The following KDM4B variants were observed in gnomAD, a reference collection of about 807,000 sequenced individuals.
KDM4B encodes lysine-specific demethylase 4B.
KDM4B carries 32 observed loss-of-function variants against 125.2 expected under a neutral mutation model. The ratio of observed to expected loss-of-function variants is 0.26; its 90% CI spans 0.19 to 0.34. The LOEUF is 0.34. Ranked by LOEUF, KDM4B falls within the 10% of genes least tolerant of loss-of-function variation. The pLI is 1.00. For synonymous variants in KDM4B, 721 were observed against 677.9 expected, an observed-to-expected ratio of 1.06 and a Z score of -0.99; for missense variants, 1,190 against 1,577.7, an observed-to-expected ratio of 0.75 and a Z score of 4.16.
intron 7 of KDM4B, 41 bp from the exon 8 acceptor site, chr19:5,077,326 G>A (rs2038148855): frequency 6.4e-7 from 1 of 1,571,270 alleles, no homozygotes; most frequent in East Asian, 2.2e-5. Context: ...ACCCCGGCCG[G>A]CTGTGGCCCA....
rs34796175 is a variant in KDM4B at position 5,142,320 on chromosome 19, T to C, written c.2551-1647T>C. 0.07 allele frequency among the ~76,000 whole-genome samples: 10,696 copies of C among 151,808 alleles called. 404 individuals carry two copies. The highest frequency in any genetic ancestry group is 0.099 in the Middle Eastern group (29 of 292). On this transcript the variant is annotated intron_variant, in intron 18 of 22. Coordinates refer to ENST00000159111, the MANE Select transcript of KDM4B (RefSeq NM_015015.3). The surrounding 1 kb of genome is among the most constrained non-coding windows in gnomAD (Gnocchi z 5.4). ...AAACTGCGGCTCCCAGGAAGGGAGG[T>C]GACGGCCAAGAACGCCTGCCCGACC...
chr19:5,035,877 G>GTGTGTGTGTT lies in KDM4B; in HGVS notation c.141+2850_141+2851insTGTGTTTGTG. On this transcript the variant is annotated intron_variant, in intron 3 of 22. Transcript: ENST00000159111. This position sits in a 1 kb window ranked among gnomAD's most constrained non-coding sequence, Gnocchi z 5.3. ...TGCACGTGTCTCTGTGTGTGTGTGT[G>GTGTGTGTGTT]TGTGCGCGCGCGCGCGCGCCTGCGC... Among the ~76,000 whole-genome samples the GTGTGTGTGTT allele has an allele frequency of 9.7e-6, 1 of 102,692 alleles. No homozygotes were observed. 67.4% of individuals were successfully genotyped at this position (102,692 alleles called of 152,430 possible).
chr19:5,123,614 G>C (rs1228957455), intron 11 of KDM4B, among the ~76,000 whole-genome samples: 1 of 152,244 alleles, frequency 6.6e-6, no homozygotes. Context: ...GCTTCCTGCA[G>C]GGCAGGAGCA....
intron 18 of KDM4B, 66 bp downstream of exon 18, chr19:5,138,136 C>A: frequency 8.0e-7 from 1 of 1,242,740 alleles, no homozygotes; most frequent in Admixed American, 1.9e-5. Flanking sequence ...GCTCGGCTCC[C>A]CACCTGCGCG....
intron 9 of KDM4B, among the ~76,000 whole-genome samples, chr19:5,109,469 T>C (rs2039097021): frequency 6.6e-6 from 1 of 151,570 alleles, no homozygotes; most frequent in Non-Finnish European, 1.5e-5. Flanking sequence ...AACAGTGACC[T>C]GGGAAGGGCT....
At chr19:5,088,655 GCC>G (rs139891662) in intron 9 of KDM4B, among the ~76,000 whole-genome samples, 1 of 98,038 alleles carries the variant, frequency 1.0e-5, no homozygotes, top group African/African-American at 3.6e-5. Context: ...GACAGGCCAG[GCC>G]CCCCCCCTCC....
At chr19:5,088,665 T>TCCCCCCCCCCCCCCCAC (rs35143112) in intron 9 of KDM4B, among the ~76,000 whole-genome samples, 2 of 103,780 alleles carry the variant, frequency 1.9e-5, no homozygotes, top group African/African-American at 3.6e-5. Flanking sequence ...GCCCCCCCCC[T>TCCCCCCCCCCCCCCCAC]CCCCCCCCCC....
chr19:5,093,939 C>T (rs2038765052), intron 9 of KDM4B, among the ~76,000 whole-genome samples: 1 of 152,232 alleles, frequency 6.6e-6, no homozygotes, highest in African/African-American at 2.4e-5. Context: ...GTCCACAGCC[C>T]AGGCAGCTGA....
At chr19:5,001,735 C>T (rs562370570) in intron 1 of KDM4B, among the ~76,000 whole-genome samples, 2 of 152,162 alleles carry the variant, frequency 1.3e-5, no homozygotes, top group Non-Finnish European at 2.9e-5. Flanking sequence ...GCAGGGTGTG[C>T]TGTTTCATGT....
chr19:5,119,494 A>G (rs571487248), intron 10 of KDM4B, among the ~76,000 whole-genome samples, 159 bp from the exon 11 acceptor site: 1 of 152,186 alleles, frequency 6.6e-6, no homozygotes, highest in Non-Finnish European at 1.5e-5. Context: ...AACCCCACCC[A>G]GGGTTCCCTT....
At chr19:5,090,117 A>G (rs577196617) in intron 9 of KDM4B, among the ~76,000 whole-genome samples, 3 of 152,248 alleles carry the variant, frequency 2.0e-5, no homozygotes, top group African/African-American at 7.2e-5. Context: ...ACAGAGTGGA[A>G]GGTCCTGGAA....
Position 5,118,699 on chromosome 19 carries a change from C to T in KDM4B, c.1116-954C>T, listed in dbSNP as rs114804967. Among the ~76,000 whole-genome samples the T allele has an allele frequency of 7.5e-3, 1,142 of 152,302 alleles. 14 individuals carry two copies. The highest frequency in any genetic ancestry group is 0.026 in the African/African-American group (1,096 of 41,560). Reference sequence around the variant, plus strand: ...GCCGCTCAGCTGCAGGGTCACCTGGCTGTCACTTTTCCTCCCTTTTTCAGC... The same window carrying T: ...GCCGCTCAGCTGCAGGGTCACCTGGTTGTCACTTTTCCTCCCTTTTTCAGC... On this transcript the variant is annotated intron_variant, in intron 10 of 22. Transcript: ENST00000159111.
At chr19:4,974,252 A>C (rs564161600) in intron 1 of KDM4B, among the ~76,000 whole-genome samples, 247 of 151,760 alleles carry the variant, frequency 1.6e-3, no homozygotes, top group Middle Eastern at 3.5e-3. Context: ...AAAAAAAATT[A>C]CCCGGGCATG....
intron 21 of KDM4B, among the ~76,000 whole-genome samples, chr19:5,147,603 C>T (rs576342497): frequency 6.6e-6 from 1 of 151,978 alleles, no homozygotes; most frequent in Non-Finnish European, 1.5e-5. Context: ...ATTAGCTGGG[C>T]ATGGTGGCAC....
intron 18 of KDM4B, among the ~76,000 whole-genome samples, chr19:5,138,627 G>C (rs922467341): frequency 2.0e-5 from 3 of 152,126 alleles, no homozygotes; most frequent in Non-Finnish European, 4.4e-5. Flanking sequence ...TTACACTGCA[G>C]CCTAGACAAC....
At chr19:5,026,993 C>T (rs1240477769) in intron 2 of KDM4B, among the ~76,000 whole-genome samples, 1 of 152,230 alleles carries the variant, frequency 6.6e-6, no homozygotes, top group Non-Finnish European at 1.5e-5. Context: ...TGGCTCCAGC[C>T]AGCTCACACC....
chr19:5,057,439 G>A (rs897326991), intron 6 of KDM4B, among the ~76,000 whole-genome samples: 15 of 152,178 alleles, frequency 9.9e-5, no homozygotes, highest in Admixed American at 7.9e-4. Context: ...CCATTCTGCC[G>A]TGGACGGACA....
chr19:4,989,716 G>T (rs1272456734), intron 1 of KDM4B, among the ~76,000 whole-genome samples: 2 of 151,534 alleles, frequency 1.3e-5, no homozygotes, highest in Non-Finnish European at 2.9e-5. Flanking sequence ...GCAAGGGCAC[G>T]ATTTTGGCTC....
At chr19:5,015,126 G>A (rs2035853473) in intron 1 of KDM4B, among the ~76,000 whole-genome samples, 1 of 152,222 alleles carries the variant, frequency 6.6e-6, no homozygotes, top group Non-Finnish European at 1.5e-5. Context: ...GCAGAAGGAA[G>A]CAGAGGGCAG....
Sources: allele counts gnomAD v4.1 joint callset (sites outside exome capture counted in the v4.1 genomes callset), GRCh38; gene constraint gnomAD v4.1.1; non-coding constraint Gnocchi (gnomAD v3.1); transcripts MANE v1.5; gene names NCBI Gene and HGNC (gene_info 2026-07-23, HGNC 2026-07-21).